Variants in RNFT2 observed in about 807,000 individuals in gnomAD.
RNFT2 encodes E3 ubiquitin-protein ligase RNFT2.
Under a neutral mutation model 53.0 loss-of-function variants are expected in RNFT2, and 36 were observed. The observed-to-expected ratio is 0.68, with a 90% CI of 0.52 to 0.90. RNFT2 has a LOEUF of 0.90. Among genes scored for constraint, RNFT2 ranks in the 40% least tolerant of loss-of-function variants. The pLI is 0.00. For synonymous variants in RNFT2, 260 were observed against 253.2 expected (o/e 1.03, Z -0.26); for missense variants, 514 against 585.6 (o/e 0.88, Z 1.26).
At chr12:116,813,239 G>C (rs1030898666) in intron 7 of RNFT2, among the ~76,000 whole-genome samples, 5 of 152,202 alleles carry the variant, frequency 3.3e-5, no homozygotes, top group African/African-American at 1.2e-4. Flanking sequence ...TGGGATTACA[G>C]GTGTGAGCCT....
chr12:116,841,958 T>TAAATATAGAG (rs1274083737), intron 10 of RNFT2, among the ~76,000 whole-genome samples: 1 of 6,386 alleles, frequency 1.6e-4, no homozygotes, highest in African/African-American at 6.5e-4. Context: ...AATATATATA[T>TAAATATAGAG]AGAGAGAGAG....
intron 6 of RNFT2, among the ~76,000 whole-genome samples, chr12:116,769,205 A>G (rs1873062260): frequency 6.6e-6 from 1 of 152,146 alleles, no homozygotes; most frequent in African/African-American, 2.4e-5. Context: ...CTAAAAATAC[A>G]AAAATTAGCT....
At chr12:116,766,745 T>C in intron 5 of RNFT2, 69 bp from the exon 6 acceptor site, 1 of 1,195,116 alleles carries the variant, frequency 8.4e-7, no homozygotes, top group Non-Finnish European at 1.2e-6. Flanking sequence ...CTGCCAGTCA[T>C]CAGGGTACAT....
chr12:116,748,969 G>A (rs142964268), intron 3 of RNFT2, among the ~76,000 whole-genome samples: 193 of 152,292 alleles, frequency 1.3e-3, no homozygotes, highest in African/African-American at 3.7e-3. Context: ...GGAGGATTTA[G>A]TAAGTTAATC....
intron 7 of RNFT2, among the ~76,000 whole-genome samples, chr12:116,808,676 C>T (rs1319737599): frequency 2.0e-5 from 3 of 152,208 alleles, no homozygotes; most frequent in African/African-American, 4.8e-5. Flanking sequence ...ACAAGGCTTG[C>T]CACATGGCCC....
chr12:116,821,025 C>T (rs1275617770), intron 7 of RNFT2, among the ~76,000 whole-genome samples: 1 of 152,126 alleles, frequency 6.6e-6, no homozygotes, highest in Admixed American at 6.5e-5. Context: ...GGGAACGCGT[C>T]ATAACTACCT....
intron 7 of RNFT2, among the ~76,000 whole-genome samples, chr12:116,797,701 G>A (rs562058011): frequency 1.1e-4 from 17 of 152,200 alleles, no homozygotes; most frequent in East Asian, 7.8e-4. Context: ...TTGAAGAGGC[G>A]TTACAGCTCA....
intron 5 of RNFT2, chr12:116,755,601 G>C: frequency 1.1e-6 from 1 of 891,388 alleles, no homozygotes; most frequent in South Asian, 1.3e-5. Flanking sequence ...TGCTCAATAT[G>C]CACATTAATT....
chr12:116,839,113 G>A (rs1330350162), intron 10 of RNFT2, among the ~76,000 whole-genome samples: 1 of 152,178 alleles, frequency 6.6e-6, no homozygotes, highest in East Asian at 1.9e-4. Flanking sequence ...CTGGCTATAT[G>A]GTCTCATAGA....
At chr12:116,739,981 G>A (rs921174740) in intron 1 of RNFT2, among the ~76,000 whole-genome samples, 3 of 152,082 alleles carry the variant, frequency 2.0e-5, no homozygotes, top group African/African-American at 4.8e-5. Context: ...CAAGGCAGGC[G>A]GATCACTTGA....
chr12:116,802,209 T>C (rs1227355517), intron 7 of RNFT2, among the ~76,000 whole-genome samples: 2 of 152,220 alleles, frequency 1.3e-5, no homozygotes, highest in East Asian at 3.8e-4. Flanking sequence ...ACTCACATAG[T>C]AAAGGCTCTG....
intron 7 of RNFT2, among the ~76,000 whole-genome samples, chr12:116,818,524 A>T (rs774275843): frequency 6.6e-5 from 10 of 152,102 alleles, no homozygotes; most frequent in Non-Finnish European, 1.3e-4. Context: ...AGCAGTCTCT[A>T]AGCGATGGGA....
At chr12:116,805,459 G>A (rs978885002) in intron 7 of RNFT2, among the ~76,000 whole-genome samples, 31 of 152,124 alleles carry the variant, frequency 2.0e-4, no homozygotes, top group Admixed American at 2.0e-3. Flanking sequence ...AGGAGCTGAT[G>A]CTGCATTTTT....
chr12:116,749,821 T>TC lies in RNFT2; in HGVS notation c.84-19dup. 1 of 1,557,812 alleles carries TC rather than the reference T, an allele frequency of 6.4e-7. No individual in the cohort carries two copies. Among genetic ancestry groups the TC allele is most frequent in the East Asian group, 2.4e-5 (1 of 41,672 alleles). On this transcript the variant is annotated intron_variant, in intron 3 of 10. Coordinates refer to ENST00000257575, the MANE Select transcript of RNFT2 (RefSeq NM_001382266.1). ...TCCATCTGCCTGACTTCCTGGGGTT[T>TC]CTCTCCCCTTGGCACCCAGAAACCG...
At chr12:116,818,848 C>T (rs1378072092) in intron 7 of RNFT2, among the ~76,000 whole-genome samples, 1 of 152,224 alleles carries the variant, frequency 6.6e-6, no homozygotes, top group African/African-American at 2.4e-5. Flanking sequence ...GAACAGGACC[C>T]AGCATTGCGG....
rs1283644929 is a variant in RNFT2, at chr12:116,853,282, C to T, written c.*3834C>T. On this transcript the variant is annotated 3_prime_UTR_variant, in exon 11 of 11. Coordinates refer to ENST00000257575, the MANE Select transcript of RNFT2 (RefSeq NM_001382266.1). The stretch of plus-strand genomic sequence containing the variant: ...AGTAGGGTTAATCGAGTATCAGGTT[C>T]ACAGTATCCTGCCCTTATTATTTTA... 3 of 398,466 alleles carry T rather than the reference C, an allele frequency of 7.5e-6. No homozygotes were observed. 24.7% of individuals were successfully genotyped at this position (398,466 alleles called of 1,614,324 possible). A position where few individuals can be genotyped will look rare whatever the true frequency, so the allele number is the denominator to read the frequency against.
At chr12:116,809,524 T>C (rs1875260316) in intron 7 of RNFT2, among the ~76,000 whole-genome samples, 2 of 152,150 alleles carry the variant, frequency 1.3e-5, no homozygotes, top group Admixed American at 1.3e-4. Flanking sequence ...CCAGCCCCTT[T>C]GGGAGAGGCT....
At chr12:116,814,151 C>CGT (rs932909813) in intron 7 of RNFT2, among the ~76,000 whole-genome samples, 4 of 152,166 alleles carry the variant, frequency 2.6e-5, no homozygotes, top group African/African-American at 9.7e-5. Flanking sequence ...TCACCATGCA[C>CGT]GTACTACCTG....
chr12:116,846,314 C>G (rs575639406), intron 10 of RNFT2, among the ~76,000 whole-genome samples: 13 of 152,100 alleles, frequency 8.5e-5, no homozygotes, highest in African/African-American at 3.1e-4. Flanking sequence ...ACTCTGTCTC[C>G]CAGGCTGGAG....
Sources: allele counts gnomAD v4.1 joint callset (sites outside exome capture counted in the v4.1 genomes callset), GRCh38; gene constraint gnomAD v4.1.1; transcripts MANE v1.5; gene names NCBI Gene and HGNC (gene_info 2026-07-23, HGNC 2026-07-21).